Variants in RIMBP2 observed in about 807,000 individuals in gnomAD.
RIMBP2 encodes the protein RIMS binding protein 2.
In RIMBP2, 48 loss-of-function variants were observed where a neutral mutation model predicts 118.6. The ratio of observed to expected loss-of-function variants is 0.40; its 90% CI spans 0.32 to 0.51. RIMBP2 has a LOEUF of 0.51. RIMBP2 is among the 20% of genes least tolerant of loss of function. The pLI, the probability that RIMBP2 is intolerant of heterozygous loss-of-function variation, is 0.41. For synonymous variants in RIMBP2, 762 were observed against 742.9 expected (o/e 1.03, Z -0.42); for missense variants, 1,551 against 1,768.3 (o/e 0.88, Z 2.20).
intron 2 of RIMBP2, among the ~76,000 whole-genome samples, chr12:130,602,824 T>A (rs1254270441): frequency 6.6e-6 from 1 of 152,182 alleles, no homozygotes; most frequent in Non-Finnish European, 1.5e-5. Context: ...AACAGAGAAG[T>A]GTTATTTTGG....
chr12:130,522,441 G>A (rs2052235756), intron 2 of RIMBP2, among the ~76,000 whole-genome samples: 1 of 152,220 alleles, frequency 6.6e-6, no homozygotes, highest in Non-Finnish European at 1.5e-5. Context: ...GCCACGTGGG[G>A]ACGGGAACTG....
chr12:130,523,606 A>G lies in RIMBP2; in HGVS notation c.-216-5689T>C, dbSNP rs1404525946. Among the ~76,000 whole-genome samples the G allele has an allele frequency of 6.6e-6, 1 of 152,190 alleles. No homozygotes were observed. The highest frequency in any genetic ancestry group is 1.5e-5 in the Non-Finnish European group (1 of 68,034). The stretch of plus-strand genomic sequence containing the variant: ...GACAAGGTGGCCGCTTCTCTGGGGG[A>G]GAAACTGACAAGAGAAAGGAAAAAG... On this transcript the variant is annotated intron_variant, in intron 2 of 22. Coordinates refer to ENST00000690449, the MANE Select transcript of RIMBP2 (RefSeq NM_001393629.1). The surrounding 1 kb of genome is among the most constrained non-coding windows in gnomAD (Gnocchi z 4.4).
At chr12:130,668,954 A>C (rs1009828207) in intron 1 of RIMBP2, among the ~76,000 whole-genome samples, 1 of 152,252 alleles carries the variant, frequency 6.6e-6, no homozygotes, top group Non-Finnish European at 1.5e-5. Context: ...TACCTTTTGC[A>C]GACAACAGTG....
chr12:130,468,780 A>G (rs2080743326), intron 6 of RIMBP2, among the ~76,000 whole-genome samples: 1 of 152,178 alleles, frequency 6.6e-6, no homozygotes, highest in African/African-American at 2.4e-5. Context: ...ACTCTGGCCC[A>G]AGGATAGAAT....
intron 2 of RIMBP2, among the ~76,000 whole-genome samples, chr12:130,606,687 G>A (rs1395362682): frequency 1.3e-5 from 2 of 152,164 alleles, no homozygotes; most frequent in Admixed American, 1.3e-4. Flanking sequence ...ATCATGAACT[G>A]GAGATACTCT....
chr12:130,665,700 C>T lies in RIMBP2; in HGVS notation c.-351-37244G>A, dbSNP rs147379791. ...TACAGGTTAAAGGGGATTAACTGGA[C>T]GCCACCAGTAAAAGTAGTACCTGGT... On this transcript the variant is annotated intron_variant, in intron 1 of 22. Transcript: ENST00000690449. Among the ~76,000 whole-genome samples, 30 of 152,106 alleles carry T rather than the reference C, an allele frequency of 2.0e-4. No individual in the cohort carries two copies. In the East Asian group the frequency reaches 4.1e-3, roughly 21 times the overall value.
At chr12:130,439,427 GTGTA>G (rs763943155) in intron 11 of RIMBP2, among the ~76,000 whole-genome samples, 3 of 149,232 alleles carry the variant, frequency 2.0e-5, no homozygotes, top group Non-Finnish European at 4.5e-5. Flanking sequence ...ATGGGTATAT[GTGTA>G]TGTGGGTGTG....
chr12:130,714,897 G>T (rs978594754), intron 1 of RIMBP2, among the ~76,000 whole-genome samples: 3 of 152,210 alleles, frequency 2.0e-5, no homozygotes, highest in Non-Finnish European at 4.4e-5. Context: ...AGGGAGCCAG[G>T]GAGGGGCCAT....
intron 1 of RIMBP2, among the ~76,000 whole-genome samples, chr12:130,704,962 G>C (rs1194662451): frequency 6.6e-6 from 1 of 152,126 alleles, no homozygotes; most frequent in Non-Finnish European, 1.5e-5. Flanking sequence ...CATGACAAAT[G>C]ACAAAAAACT....
chr12:130,489,740 A>C (rs1231838292), intron 4 of RIMBP2, among the ~76,000 whole-genome samples: 1 of 152,130 alleles, frequency 6.6e-6, no homozygotes, highest in African/African-American at 2.4e-5. Flanking sequence ...ATGTCCCTCC[A>C]TTTGAAATAC....
chr12:130,489,251 G>C (rs908351076), intron 4 of RIMBP2, among the ~76,000 whole-genome samples: 4 of 152,170 alleles, frequency 2.6e-5, no homozygotes, highest in Admixed American at 1.3e-4. Flanking sequence ...ATACGCATCG[G>C]ATAGAATGGT....
At chr12:130,486,455 T>A (rs1429710899) in intron 4 of RIMBP2, among the ~76,000 whole-genome samples, 1 of 151,350 alleles carries the variant, frequency 6.6e-6, no homozygotes, top group Non-Finnish European at 1.5e-5. Flanking sequence ...GAACCCTTCA[T>A]CCCCGTCCCC....
chr12:130,408,968 C>T (rs892763083), intron 19 of RIMBP2, among the ~76,000 whole-genome samples: 5 of 152,140 alleles, frequency 3.3e-5, no homozygotes, highest in South Asian at 2.1e-4. Flanking sequence ...GACGCACACA[C>T]GCCTCTGTGC....
intron 1 of RIMBP2, among the ~76,000 whole-genome samples, chr12:130,629,973 T>TAAA (rs1371907002): frequency 2.3e-5 from 1 of 44,342 alleles, no homozygotes; most frequent in East Asian, 7.4e-4. Context: ...CAATCAAGCT[T>TAAA]TAAAAAAAAA....
At chr12:130,596,123 C>T (rs948192213) in intron 2 of RIMBP2, among the ~76,000 whole-genome samples, 1 of 152,076 alleles carries the variant, frequency 6.6e-6, no homozygotes, top group African/African-American at 2.4e-5. Context: ...CCTTTGAATC[C>T]ACTCACCCCG....
intron 9 of RIMBP2, 41 bp from the exon 10 acceptor site, chr12:130,445,310 G>T: frequency 6.9e-7 from 1 of 1,445,012 alleles, no homozygotes; most frequent in Non-Finnish European, 9.6e-7. Flanking sequence ...GGCTCTGGAG[G>T]ACACAGCCCG....
intron 3 of RIMBP2, among the ~76,000 whole-genome samples, chr12:130,515,669 T>C (rs1358549125): frequency 1.3e-5 from 2 of 150,314 alleles, no homozygotes; most frequent in East Asian, 3.9e-4. Context: ...ATTTGTAACA[T>C]GTACATATAT....
intron 2 of RIMBP2, among the ~76,000 whole-genome samples, chr12:130,615,071 C>T (rs920305686): frequency 1.4e-5 from 2 of 146,980 alleles, no homozygotes; most frequent in Non-Finnish European, 3.0e-5. Flanking sequence ...ATTTCATATA[C>T]ATATATACAC....
At chr12:130,677,605 G>A (rs2064554718) in intron 1 of RIMBP2, among the ~76,000 whole-genome samples, 1 of 152,064 alleles carries the variant, frequency 6.6e-6, no homozygotes, top group Non-Finnish European at 1.5e-5. Context: ...TCCACCCTGG[G>A]AGACAGAGCG....
Sources: allele counts gnomAD v4.1 joint callset (sites outside exome capture counted in the v4.1 genomes callset), GRCh38; gene constraint gnomAD v4.1.1; non-coding constraint Gnocchi (gnomAD v3.1); transcripts MANE v1.5; gene names NCBI Gene and HGNC (gene_info 2026-07-23, HGNC 2026-07-21).